LLGL1: variants seen among roughly 807,000 people sequenced by gnomAD.
LLGL1 encodes LLGL scribble cell polarity complex component 1, also known as lethal(2) giant larvae protein homolog 1.
LLGL1 carries 58 observed loss-of-function variants against 110.6 expected under a neutral mutation model. That is an observed-to-expected ratio of 0.52 (90% CI 0.42 to 0.65). LLGL1 has a LOEUF of 0.65. Ranked by LOEUF, LLGL1 falls within the 30% of genes least tolerant of loss-of-function variation. The pLI is 0.00. For missense variants in LLGL1, 1,229 were observed against 1,462.1 expected (o/e 0.84, Z 2.60); for synonymous variants, 674 against 607.2 (o/e 1.11, Z -1.62).
Position 18,241,686 on chromosome 17 carries a change from C to T in LLGL1, c.2738C>T (p.Ala913Val). ...CIRKEDISGIASCVFTRHGQG... is the reference protein window; with the variant it reads ...CIRKEDISGIVSCVFTRHGQG... Reference sequence around the variant, plus strand: ...CGGAAGGAGGACATCAGCGGCATCGCTTCGTGCGTCTTTACGCGCCATGGC... The same window carrying T: ...CGGAAGGAGGACATCAGCGGCATCGTTTCGTGCGTCTTTACGCGCCATGGC... The change falls in exon 18 of 23, where the codon GCT (alanine) becomes GTT (valine). Residue 913 changes from alanine (A) to valine (V), a missense_variant. Ala to Val is a moderately conservative substitution (Grantham distance 64, BLOSUM62 0). Coordinates refer to ENST00000316843, the MANE Select transcript of LLGL1 (RefSeq NM_004140.4). The T allele has an allele frequency of 6.2e-7, 1 of 1,613,540 alleles. No individual in the cohort carries two copies. Among genetic ancestry groups the T allele is most frequent in the South Asian group, 1.1e-5 (1 of 91,086 alleles).
In LLGL1 at chr17:18,241,952, G is replaced by T. The variant is rs370182207; in HGVS notation, c.2835G>T (p.Pro945=). The T allele has an allele frequency of 1.2e-6, 2 of 1,614,096 alleles. No homozygotes were observed. The highest frequency in any genetic ancestry group is 1.7e-6 in the Non-Finnish European group (2 of 1,179,974). ...FSLSARNITE[P]LCSLDINWPR... is the part of the protein sequence containing the mutation. ...TAAGTGCCCGGAACATCACAGAGCC[G>T]CTCTGCTCTCTGGACATTAACTGGC... Residue 945 remains proline, a synonymous_variant, in exon 19 of 23, where the codon CCG becomes CCT. Coordinates refer to ENST00000316843, the MANE Select transcript of LLGL1 (RefSeq NM_004140.4).
At chr17:18,235,879 GC>G (rs201073422) in intron 11 of LLGL1, 4,196 of 300,800 alleles carry the variant, frequency 0.014, 42 homozygotes, top group Non-Finnish European at 0.019. Context: ...GCGCTGACGT[GC>G]CCAGTGACTC....
intron 2 of LLGL1, 146 bp from the exon 3 acceptor site, chr17:18,232,349 C>T: frequency 4.6e-6 from 3 of 656,188 alleles, no homozygotes; most frequent in Non-Finnish European, 7.8e-6. Context: ...AGGGAGGGGG[C>T]CTCCGTTCTT....
At chr17:18,237,936 C>A in intron 14 of LLGL1, 131 bp from the exon 15 acceptor site, 1 of 1,283,840 alleles carries the variant, frequency 7.8e-7, no homozygotes, top group Non-Finnish European at 1.1e-6. Flanking sequence ...GTACCACCTG[C>A]AGCTGGGTCC....
In LLGL1 at chr17:18,234,260, T is replaced by TG; in HGVS notation, c.715-12dup. On this transcript the variant is annotated splice_polypyrimidine_tract_variant and intron_variant, in intron 6 of 22. Coordinates refer to ENST00000316843, the MANE Select transcript of LLGL1 (RefSeq NM_004140.4). ...TCATGCCTGCCTGCCTGCCTGCCCC[T>TG]GCCTGCCCGCAGCAGCTGGAGAGCC... 6.3e-7 allele frequency: 1 copy of TG among 1,597,330 alleles called. No homozygotes were observed.
Position 18,244,258 on chromosome 17 carries a change from T to TA in LLGL1, c.*355dup, listed in dbSNP as rs1172688860. ...TATTTTTCCTTTTTTTTTTTTTTCT[T>TA]AAAGACGGAGTCTTGCTCTGTCGCC... On this transcript the variant is annotated 3_prime_UTR_variant, in exon 23 of 23. Transcript: ENST00000316843. 1.3e-5 allele frequency: 2 copies of TA among 150,966 alleles called. No individual in the cohort carries two copies. The highest frequency in any genetic ancestry group is 4.9e-5 in the African/African-American group (2 of 41,088). The allele number at this position is 150,966 out of a possible 1,614,324, so 9.4% of individuals were successfully genotyped here.
At position 18,244,058 on chromosome 17, in the gene LLGL1, C is replaced by G. The variant is rs915004638; in HGVS notation, c.*152C>G. Reference sequence around the variant, plus strand: ...TGTCCTGTCCCGCCTGACCCTGGGCCCTGGAGCAGCACCAGCCCCAGGGTG... The same window carrying G: ...TGTCCTGTCCCGCCTGACCCTGGGCGCTGGAGCAGCACCAGCCCCAGGGTG... On this transcript the variant is annotated 3_prime_UTR_variant, in exon 23 of 23. Coordinates refer to ENST00000316843, the MANE Select transcript of LLGL1 (RefSeq NM_004140.4). 2 of 152,338 alleles carry G rather than the reference C, an allele frequency of 1.3e-5. No homozygotes were observed. Among genetic ancestry groups the G allele is most frequent in the Non-Finnish European group, 2.9e-5 (2 of 68,182 alleles). The allele number at this position is 152,338 out of a possible 1,614,324, so 9.4% of individuals were successfully genotyped here. A position where few individuals can be genotyped will look rare whatever the true frequency, so the allele number is the denominator to read the frequency against.
Position 18,240,529 on chromosome 17 carries a change from A to C in LLGL1, c.2207-49A>C, listed in dbSNP as rs763640831. 3.3e-6 allele frequency: 5 copies of C among 1,533,368 alleles called. No homozygotes were observed. The highest frequency in any genetic ancestry group is 4.4e-6 in the Non-Finnish European group (5 of 1,138,028). 95.0% of individuals were successfully genotyped at this position (1,533,368 alleles called of 1,614,324 possible). A position where few individuals can be genotyped will look rare whatever the true frequency, so the allele number is the denominator to read the frequency against. ...GCAGTCTGTGGGAAGACCCCAGGGG[A>C]GATGCCTGGCCCACAGGGAGCACCC... On this transcript the variant is annotated intron_variant, in intron 16 of 22. Transcript: ENST00000316843. This position sits in a 1 kb window ranked among gnomAD's most constrained non-coding sequence, Gnocchi z 5.3.
chr17:18,236,643 G>T lies in LLGL1; in HGVS notation c.1389G>T (p.Ser463=). The change falls in exon 12 of 23, where the codon TCG becomes TCT. Residue 463 remains serine, a synonymous_variant. Transcript: ENST00000316843. ...EDGTVRFWDA[S]GVALRPLYKL... ...GCACCGTGAGGTTCTGGGATGCCTCGGGTGTGGCGCTGCGGCCGCTCTATA... is the reference window on the plus strand; with the variant it reads ...GCACCGTGAGGTTCTGGGATGCCTCTGGTGTGGCGCTGCGGCCGCTCTATA... The T allele has an allele frequency of 6.2e-7, 1 of 1,612,860 alleles. No individual in the cohort carries two copies. Among genetic ancestry groups the T allele is most frequent in the South Asian group, 1.1e-5 (1 of 91,068 alleles).
Position 18,238,222 on chromosome 17 carries a change from G to A in LLGL1, c.2052+8G>A, listed in dbSNP as rs1218235884. The A allele has an allele frequency of 2.5e-6, 4 of 1,609,612 alleles. No individual in the cohort carries two copies. Among genetic ancestry groups the A allele is most frequent in the Non-Finnish European group, 3.4e-6 (4 of 1,179,962 alleles). The stretch of plus-strand genomic sequence containing the variant: ...GCTAATGCCAGCAGCAAGGTGAGCT[G>A]GGGTGGGCTGCACAGGAGCTGTGCC... On this transcript the variant is annotated splice_region_variant and intron_variant, in intron 15 of 22. Coordinates refer to ENST00000316843, the MANE Select transcript of LLGL1 (RefSeq NM_004140.4).
In LLGL1 at chr17:18,240,871, A is replaced by G; in HGVS notation, c.2500A>G (p.Lys834Glu). 1 of 1,521,214 alleles carries G rather than the reference A, an allele frequency of 6.6e-7. No individual in the cohort carries two copies. 94.2% of individuals were successfully genotyped at this position (1,521,214 alleles called of 1,614,324 possible). A position where few individuals can be genotyped will look rare whatever the true frequency, so the allele number is the denominator to read the frequency against. The change falls in exon 17 of 23, where the codon AAG becomes GAG. Residue 834 changes from lysine to glutamate, a missense_variant and splice_region_variant. Transcript: ENST00000316843. This position sits in a 1 kb window ranked among gnomAD's most constrained non-coding sequence, Gnocchi z 5.3. ...GCTCATCGCATCTGAGGAGCAGTTC[A>G]AGGTGAGCCACTGTGGGCTGTGGGG... ...AVLIASEEQF[K>E]VFTLPKVSAK... is the part of the protein sequence containing the mutation.
In LLGL1 at chr17:18,244,811, G is replaced by A. The variant is rs560887236; in HGVS notation, c.*905G>A. ...TTTCTGTCGTTTTGTTAAAATTAGC[G>A]CCATTTTAATATTAAAAATACTGAT... On this transcript the variant is annotated 3_prime_UTR_variant, in exon 23 of 23. Transcript: ENST00000316843. The A allele has an allele frequency of 3.4e-4, 117 of 341,784 alleles. 1 individual carries two copies. The highest frequency in any genetic ancestry group is 1.4e-3 in the Admixed American group (28 of 20,726). The allele number at this position is 341,784 out of a possible 1,614,324, so 21.2% of individuals were successfully genotyped here. A position where few individuals can be genotyped will look rare whatever the true frequency, so the allele number is the denominator to read the frequency against.
intron 13 of LLGL1, chr17:18,237,265 A>T: frequency 1.7e-6 from 1 of 604,914 alleles, no homozygotes; most frequent in Non-Finnish European, 2.9e-6. Context: ...GAGGGCAGGG[A>T]CTAGTGTGTC....
At position 18,234,674 on chromosome 17, in the gene LLGL1, C is replaced by T. The variant is rs1387710204; in HGVS notation, c.876C>T (p.Asn292=). The T allele has an allele frequency of 1.9e-6, 3 of 1,614,048 alleles. No homozygotes were observed. The highest frequency in any genetic ancestry group is 2.5e-6 in the Non-Finnish European group (3 of 1,180,028). ...GCCCCTTTCCCTGCAAGGCCATTAA[C>T]AAGATTCTGTGGCGGAACTGTGAAT... The part of the protein sequence containing the change: ...PYGPFPCKAI[N]KILWRNCESG... The change falls in exon 8 of 23, where the codon AAC becomes AAT. Residue 292 remains asparagine (N), a synonymous_variant. Transcript: ENST00000316843.
intron 1 of LLGL1, among the ~76,000 whole-genome samples, chr17:18,228,965 C>T (rs776565374): frequency 2.0e-5 from 3 of 152,200 alleles, no homozygotes; most frequent in Admixed American, 6.5e-5. Context: ...GGGAGGTTCG[C>T]GTTACAGGCT....
At chr17:18,236,504 C>A in intron 11 of LLGL1, 103 bp from the exon 12 acceptor site, 1 of 1,160,172 alleles carries the variant, frequency 8.6e-7, no homozygotes, top group Non-Finnish European at 1.2e-6. Context: ...CAGTGTTTGG[C>A]ACGTGCAGTA....
intron 8 of LLGL1, 39 bp from the exon 9 acceptor site, chr17:18,234,800 C>G (rs768482772): frequency 9.3e-6 from 15 of 1,613,420 alleles, no homozygotes; most frequent in African/African-American, 2.7e-5. Context: ...GCTCTGGACC[C>G]AAGTGGTTCA....
chr17:18,233,721 C>T, intron 4 of LLGL1, 57 bp from the exon 5 acceptor site: 12 of 1,554,028 alleles, frequency 7.7e-6, no homozygotes, highest in Non-Finnish European at 1.1e-5. Flanking sequence ...CCCTCACACC[C>T]CACCTGAGCA....
rs2047722086 is a variant in LLGL1 at position 18,237,564 on chromosome 17, C to T, written c.1695C>T (p.Gly565=). Reference sequence around the variant, plus strand: ...TAGACCTCCTCCAGGACCGCGAGGGCTTCACATGGAAGGGCCACGAGCGGC... The same window carrying T: ...TAGACCTCCTCCAGGACCGCGAGGGTTTCACATGGAAGGGCCACGAGCGGC... The part of the protein sequence containing the change: ...AIIDLLQDRE[G]FTWKGHERLS... The change falls in exon 14 of 23, where the codon GGC becomes GGT. Residue 565 remains glycine, a synonymous_variant. Coordinates refer to ENST00000316843, the MANE Select transcript of LLGL1 (RefSeq NM_004140.4). The T allele has an allele frequency of 6.2e-7, 1 of 1,609,890 alleles. No homozygotes were observed. Among genetic ancestry groups the T allele is most frequent in the Non-Finnish European group, 8.5e-7 (1 of 1,179,052 alleles).
Sources: allele counts gnomAD v4.1 joint callset (sites outside exome capture counted in the v4.1 genomes callset), GRCh38; gene constraint gnomAD v4.1.1; non-coding constraint Gnocchi (gnomAD v3.1); transcripts MANE v1.5; gene names NCBI Gene and HGNC (gene_info 2026-07-23, HGNC 2026-07-21).